ELOVL5: variants seen among roughly 807,000 people sequenced by gnomAD.
ELOVL5 encodes the protein very long chain fatty acid elongase 5.
ELOVL5 carries 8 observed loss-of-function variants against 38.6 expected under a neutral mutation model. The ratio of observed to expected loss-of-function variants is 0.21; its 90% CI spans 0.12 to 0.37. ELOVL5 has a LOEUF of 0.37. Among genes scored for constraint, ELOVL5 ranks in the 10% least tolerant of loss-of-function variants. ELOVL5 has a pLI of 1.00. For missense variants in ELOVL5, 280 were observed against 367.8 expected, an observed-to-expected ratio of 0.76 and a Z score of 1.95; for synonymous variants, 127 against 133.7, an observed-to-expected ratio of 0.95 and a Z score of 0.34.
chr6:53,272,084 C>A (rs1765949526), intron 6 of ELOVL5, among the ~76,000 whole-genome samples: 1 of 152,180 alleles, frequency 6.6e-6, no homozygotes, highest in South Asian at 2.1e-4. Flanking sequence ...ACATCAAACA[C>A]TTCAGTCTCT....
intron 3 of ELOVL5, chr6:53,290,422 G>A (rs1197925364): frequency 6.6e-6 from 1 of 152,158 alleles, no homozygotes; most frequent in African/African-American, 2.4e-5. Flanking sequence ...CTGTGGTTTT[G>A]TCCCTTGAAC....
chr6:53,328,279 G>C (rs1369943000), intron 1 of ELOVL5, among the ~76,000 whole-genome samples: 1 of 152,130 alleles, frequency 6.6e-6, no homozygotes, highest in African/African-American at 2.4e-5. Context: ...GTAGTAGTTA[G>C]TGACTACTAT....
intron 1 of ELOVL5, among the ~76,000 whole-genome samples, chr6:53,331,039 CTT>C (rs35261654): frequency 0.047 from 7,223 of 152,272 alleles, 246 homozygotes; most frequent in South Asian, 0.14. Context: ...TAGGAGTACT[CTT>C]TAAAATAATG....
At chr6:53,335,734 C>G (rs1769035628) in intron 1 of ELOVL5, among the ~76,000 whole-genome samples, 1 of 152,150 alleles carries the variant, frequency 6.6e-6, no homozygotes, top group Non-Finnish European at 1.5e-5. Flanking sequence ...CTGCACATGG[C>G]CACCCAGAAT....
rs140509241 is a variant in ELOVL5, at chr6:53,270,773, C to T, written c.622-46G>A. 1,033 of 1,604,888 alleles carry T rather than the reference C, an allele frequency of 6.4e-4. 6 individuals carry two copies. In the African/African-American group the frequency reaches 7.5e-3, roughly 12 times the overall value. ...CAGCTGAACAGGGACAGTGCATGGA[C>T]GAGGCCCCACACCAGGCAGACTTTT... On this transcript the variant is annotated intron_variant, in intron 6 of 7. Transcript: ENST00000304434.
chr6:53,342,207 T>G (rs1316585210), intron 1 of ELOVL5, among the ~76,000 whole-genome samples: 1 of 152,220 alleles, frequency 6.6e-6, no homozygotes, highest in African/African-American at 2.4e-5. Flanking sequence ...TATTGAAGTA[T>G]TATTTCTTCT....
At chr6:53,329,792 C>G (rs1294453452) in intron 1 of ELOVL5, among the ~76,000 whole-genome samples, 1 of 152,120 alleles carries the variant, frequency 6.6e-6, no homozygotes, top group Non-Finnish European at 1.5e-5. Context: ...CCATCGCACT[C>G]AGCCTGGGGG....
chr6:53,313,808 G>A lies in ELOVL5; in HGVS notation c.-8-18101C>T, dbSNP rs535775462. The stretch of plus-strand genomic sequence containing the variant: ...TCAATGCACTGAGAAGCAAAAAAGG[G>A]TTAAGCAGCACTTTTACAATGTGCA... On this transcript the variant is annotated intron_variant, in intron 1 of 7. Transcript: ENST00000304434. Among the ~76,000 whole-genome samples, 52 of 152,288 alleles carry A rather than the reference G, an allele frequency of 3.4e-4. 1 individual carries two copies. The highest frequency in any genetic ancestry group is 1.6e-3 in the Admixed American group (25 of 15,304).
intron 3 of ELOVL5, among the ~76,000 whole-genome samples, chr6:53,280,729 A>G (rs181856205): frequency 2.0e-5 from 3 of 152,282 alleles, no homozygotes; most frequent in Non-Finnish European, 4.4e-5. Context: ...AGTAGCTGAG[A>G]CTACAGGTGC....
At chr6:53,323,500 AAGCTAT>A (rs1167052277) in intron 1 of ELOVL5, among the ~76,000 whole-genome samples, 1 of 151,984 alleles carries the variant, frequency 6.6e-6, no homozygotes, top group African/African-American at 2.4e-5. Context: ...GATCTCAGTG[AAGCTAT>A]GACTAAAAAA....
At chr6:53,314,885 C>T (rs975777063) in intron 1 of ELOVL5, among the ~76,000 whole-genome samples, 5 of 152,070 alleles carry the variant, frequency 3.3e-5, no homozygotes, top group African/African-American at 1.2e-4. Context: ...TATGCAAAAT[C>T]CAATGAAAAC....
Position 53,270,701 on chromosome 6 carries a change from C to G in ELOVL5, c.648G>C (p.Gln216His). 2 of 1,614,170 alleles carry G rather than the reference C, an allele frequency of 1.2e-6. No homozygotes were observed. Among genetic ancestry groups the G allele is most frequent in the Non-Finnish European group, 8.5e-7 (1 of 1,180,020 alleles). The stretch of plus-strand genomic sequence containing the variant: ...ACGGCCAGATGACCCCGCAGCTGGT[C>G]TGGATGATTGTCAGCACAAACTGAA... ...QLLQFVLTII[Q>H]TSCGVIWPCT... Residue 216 changes from glutamine to histidine, a missense_variant, in exon 7 of 8, where the codon CAG becomes CAC. By Grantham distance (24) the Gln-to-His change is conservative. Around this residue, in one of 3 missense-constraint regions of ELOVL5, gnomAD observed 125 missense variants for 158.9 expected, o/e 0.79. Coordinates refer to ENST00000304434, the MANE Select transcript of ELOVL5 (RefSeq NM_021814.5).
intron 1 of ELOVL5, among the ~76,000 whole-genome samples, chr6:53,333,695 TA>T (rs1768906147): frequency 3.3e-5 from 5 of 152,260 alleles, no homozygotes. Context: ...TCTCTTGTTT[TA>T]ACCTTATTTC....
rs367816886 is a variant in ELOVL5, at chr6:53,346,150, G to A, written c.-9+2667C>T. On this transcript the variant is annotated intron_variant, in intron 1 of 7. Transcript: ENST00000304434. ...CTGTTCGACTCCCACTTATGAGTGA[G>A]AATATGCAGTGTTTGGTTTTCTGTT... Among the ~76,000 whole-genome samples, 488 of 152,268 alleles carry A rather than the reference G, an allele frequency of 3.2e-3. 26 individuals carry two copies. In the South Asian group the frequency reaches 0.099, roughly 31 times the overall value.
intron 1 of ELOVL5, among the ~76,000 whole-genome samples, chr6:53,347,769 G>A (rs994981223): frequency 1.3e-5 from 2 of 150,896 alleles, no homozygotes; most frequent in Non-Finnish European, 3.0e-5. Context: ...CTGGCCAAAT[G>A]CATTCTCCAA....
intron 1 of ELOVL5, among the ~76,000 whole-genome samples, chr6:53,314,067 A>G (rs901706745): frequency 1.3e-5 from 2 of 152,258 alleles, no homozygotes; most frequent in Non-Finnish European, 2.9e-5. Context: ...ACCAAGTGCT[A>G]CATTCAACAA....
intron 1 of ELOVL5, among the ~76,000 whole-genome samples, chr6:53,345,650 A>G (rs529847146): frequency 9.2e-5 from 14 of 152,386 alleles, no homozygotes; most frequent in African/African-American, 3.4e-4. Context: ...AAGGAAGGGA[A>G]CAGATTTTAG....
At chr6:53,333,817 A>T (rs1768913449) in intron 1 of ELOVL5, among the ~76,000 whole-genome samples, 1 of 152,176 alleles carries the variant, frequency 6.6e-6, no homozygotes, top group South Asian at 2.1e-4. Flanking sequence ...AGGATTTAAA[A>T]TTTTTAAATT....
At chr6:53,308,400 A>G (rs1412578456) in intron 1 of ELOVL5, among the ~76,000 whole-genome samples, 2 of 152,212 alleles carry the variant, frequency 1.3e-5, no homozygotes, top group Non-Finnish European at 2.9e-5. Context: ...TTTTATCGCT[A>G]GAGTGTCTGG....
Sources: gnomAD v4.1 joint callset for allele counts (sites outside exome capture counted in the v4.1 genomes callset) on GRCh38, gnomAD v4.1.1 for gene constraint, gnomAD v4.1.1 regional missense constraint, MANE v1.5 for transcripts, NCBI Gene and HGNC (gene_info 2026-07-23, HGNC 2026-07-21) for gene names.